The following CREB5 variants were observed in gnomAD, a reference collection of about 807,000 sequenced individuals.
CREB5 encodes the protein cyclic AMP-responsive element-binding protein 5.
Under a neutral mutation model 57.1 loss-of-function variants are expected in CREB5, and 19 were observed. The observed-to-expected ratio is 0.33, with a 90% CI of 0.23 to 0.49. The LOEUF (loss-of-function observed/expected upper bound fraction) is 0.49. Among genes scored for constraint, CREB5 ranks in the 20% least tolerant of loss-of-function variants. The pLI is 0.99. For missense variants in CREB5, 579 were observed against 671.6 expected, an observed-to-expected ratio of 0.86 and a Z score of 1.52; for synonymous variants, 238 against 238.3, an observed-to-expected ratio of 1.00 and a Z score of 0.01.
upstream of CREB5, among the ~76,000 whole-genome samples, chr7:28,409,157 C>A (rs905521339): frequency 2.6e-5 from 4 of 151,562 alleles, no homozygotes; most frequent in African/African-American, 7.3e-5. This position sits in a 1 kb window ranked among gnomAD's most constrained non-coding sequence, Gnocchi z 4.4. Flanking sequence ...CCGCCGCTGC[C>A]GCTCCCGGGC....
At chr7:28,529,569 C>T in intron 4 of CREB5, among the ~76,000 whole-genome samples, 1 of 152,176 alleles carries the variant, frequency 6.6e-6, no homozygotes, top group East Asian at 1.9e-4. Flanking sequence ...TTTTAATCAA[C>T]CCCTTCATTC....
At chr7:28,799,868 G>A (rs536059837) in intron 7 of CREB5, among the ~76,000 whole-genome samples, 1 of 152,316 alleles carries the variant, frequency 6.6e-6, no homozygotes, top group South Asian at 2.1e-4. Context: ...AACCTTGGTT[G>A]ACTAATAAAA....
chr7:28,601,923 T>C (rs922549054), intron 5 of CREB5, among the ~76,000 whole-genome samples: 18 of 152,082 alleles, frequency 1.2e-4, no homozygotes, highest in African/African-American at 3.9e-4. Flanking sequence ...AGAAAGCTTT[T>C]GCTAGAGGTT....
chr7:28,632,434 T>C (rs1798238092), intron 5 of CREB5, among the ~76,000 whole-genome samples: 1 of 152,094 alleles, frequency 6.6e-6, no homozygotes, highest in African/African-American at 2.4e-5. Context: ...GAAGTGAGGG[T>C]CCTTCTGTGA....
intron 7 of CREB5, among the ~76,000 whole-genome samples, chr7:28,731,679 C>T (rs145056393): frequency 4.6e-5 from 7 of 152,240 alleles, no homozygotes; most frequent in African/African-American, 9.6e-5. Flanking sequence ...GAAAGTCATC[C>T]GCTGGTTGCT....
chr7:28,616,966 T>C (rs1350967598), intron 5 of CREB5, among the ~76,000 whole-genome samples: 4 of 152,364 alleles, frequency 2.6e-5, no homozygotes, highest in Admixed American at 2.6e-4. Flanking sequence ...GCGTAGACAT[T>C]GTAGGCACTA....
At chr7:28,686,370 C>T (rs1800910753) in intron 5 of CREB5, among the ~76,000 whole-genome samples, 1 of 152,014 alleles carries the variant, frequency 6.6e-6, no homozygotes, top group East Asian at 1.9e-4. Flanking sequence ...TCCCCAGCCC[C>T]TCCGCTCCTC....
intron 1 of CREB5, among the ~76,000 whole-genome samples, chr7:28,356,050 G>T (rs928382683): frequency 1.1e-4 from 17 of 152,168 alleles, no homozygotes; most frequent in Admixed American, 1.3e-4. Flanking sequence ...TTGTAAACAC[G>T]CCTCTCTGTT....
intron 1 of CREB5, among the ~76,000 whole-genome samples, chr7:28,377,185 G>T (rs1056981882): frequency 3.3e-5 from 5 of 152,000 alleles, no homozygotes; most frequent in Non-Finnish European, 7.4e-5. Context: ...CTTTTGCTCT[G>T]GGGAGCTACA....
chr7:28,792,414 T>C (rs1807770745), intron 7 of CREB5, among the ~76,000 whole-genome samples: 1 of 152,182 alleles, frequency 6.6e-6, no homozygotes, highest in African/African-American at 2.4e-5. Flanking sequence ...TATTTTCTAA[T>C]ACCTGATTAT....
chr7:28,594,148 A>G, intron 5 of CREB5, among the ~76,000 whole-genome samples: 1 of 152,200 alleles, frequency 6.6e-6, no homozygotes, highest in East Asian at 1.9e-4. Flanking sequence ...TTACAAATGA[A>G]AACTGGTGTT....
chr7:28,505,863 A>G (rs893997188), intron 3 of CREB5, among the ~76,000 whole-genome samples: 2 of 152,244 alleles, frequency 1.3e-5, no homozygotes, highest in Non-Finnish European at 2.9e-5. Flanking sequence ...TAAACACACA[A>G]TAGTTATATG....
chr7:28,786,479 C>T (rs535497974), intron 7 of CREB5, among the ~76,000 whole-genome samples: 10 of 152,254 alleles, frequency 6.6e-5, no homozygotes, highest in Admixed American at 2.0e-4. Context: ...AACTCCTGAC[C>T]TCAGGTGATT....
At chr7:28,786,100 T>C (rs187781987) in intron 7 of CREB5, among the ~76,000 whole-genome samples, 4 of 152,310 alleles carry the variant, frequency 2.6e-5, no homozygotes, top group Admixed American at 2.6e-4. Context: ...CAACTTGTAC[T>C]CAGTTTCATG....
chr7:28,724,580 A>G, intron 7 of CREB5: 1 of 451,958 alleles, frequency 2.2e-6, no homozygotes, highest in Admixed American at 3.6e-5. Flanking sequence ...GTTTTGGTAG[A>G]TCCATACAAG....
At chr7:28,560,957 T>TGTGTGCGCGTGCGCGTGCGTGCGC (rs1562798107) in intron 4 of CREB5, among the ~76,000 whole-genome samples, 1 of 43,438 alleles carries the variant, frequency 2.3e-5, no homozygotes, top group Non-Finnish European at 4.4e-5. Context: ...TGTGCGTGTG[T>TGTGTGCGCGTGCGCGTGCGTGCGC]GTGCGTGTGT....
chr7:28,639,279 C>T (rs1798552742), intron 5 of CREB5, among the ~76,000 whole-genome samples: 1 of 152,080 alleles, frequency 6.6e-6, no homozygotes. Context: ...CCTCTTAAAA[C>T]AGAACACAAC....
At chr7:28,411,976 G>A (rs1442026613), upstream of CREB5, among the ~76,000 whole-genome samples, 1 of 152,208 alleles carries the variant, frequency 6.6e-6, no homozygotes, top group Non-Finnish European at 1.5e-5. Context: ...CCCAGTCATG[G>A]GCACTGGAAA....
chr7:28,321,749 G>A (rs1785498939), intron 1 of CREB5, among the ~76,000 whole-genome samples: 2 of 152,192 alleles, frequency 1.3e-5, no homozygotes. Context: ...ACACTTCATT[G>A]TTCCACTGGA....
Sources: gnomAD v4.1 joint callset for allele counts (sites outside exome capture counted in the v4.1 genomes callset) on GRCh38, gnomAD v4.1.1 for gene constraint, Gnocchi (gnomAD v3.1) non-coding constraint, MANE v1.5 for transcripts, NCBI Gene and HGNC (gene_info 2026-07-23, HGNC 2026-07-21) for gene names.